PRKAR1B: variants seen among roughly 807,000 people sequenced by gnomAD.
The protein encoded by PRKAR1B is cAMP-dependent protein kinase type I-beta regulatory subunit.
PRKAR1B carries 22 observed loss-of-function variants against 46.5 expected under a neutral mutation model. The observed-to-expected ratio is 0.47, with a 90% CI of 0.34 to 0.68. PRKAR1B has a LOEUF of 0.68. Among genes scored for constraint, PRKAR1B ranks in the 30% least tolerant of loss-of-function variants. PRKAR1B has a pLI of 0.01. For synonymous variants in PRKAR1B, 259 were observed against 217.7 expected, an observed-to-expected ratio of 1.19 and a Z score of -1.67; for missense variants, 445 against 535.6, an observed-to-expected ratio of 0.83 and a Z score of 1.67.
Position 578,971 on chromosome 7 carries a change from C to T in PRKAR1B, c.891+285G>A, listed in dbSNP as rs538814556. 25 of 1,225,074 alleles carry T rather than the reference C, an allele frequency of 2.0e-5. No individual in the cohort carries two copies. In the African/African-American group the frequency reaches 3.3e-4, roughly 16 times the overall value. The allele number at this position is 1,225,074 out of a possible 1,614,324, so 75.9% of individuals were successfully genotyped here. On this transcript the variant is annotated intron_variant, in intron 9 of 10. Coordinates refer to ENST00000537384, the MANE Select transcript of PRKAR1B (RefSeq NM_001164760.2). ...TGCTGGGATGACAGGCGTGAGCCGCCGCGCCCGGCCAGTTTCATGCAGTTT... is the reference window on the plus strand; with the variant it reads ...TGCTGGGATGACAGGCGTGAGCCGCTGCGCCCGGCCAGTTTCATGCAGTTT...
chr7:635,662 C>T (rs941133893), intron 4 of PRKAR1B, among the ~76,000 whole-genome samples: 1 of 152,134 alleles, frequency 6.6e-6, no homozygotes, highest in African/African-American at 2.4e-5. Context: ...GGAAAAAGGG[C>T]TTCTCCCTCC....
intron 2 of PRKAR1B, among the ~76,000 whole-genome samples, chr7:697,576 C>T (rs897964556): frequency 6.6e-6 from 1 of 152,122 alleles, no homozygotes; most frequent in Non-Finnish European, 1.5e-5. Context: ...AGCCCCTCTG[C>T]ACTCTGTGAA....
intron 2 of PRKAR1B, among the ~76,000 whole-genome samples, chr7:706,441 T>TTTTTTTTTTTTTC (rs1780330358): frequency 6.8e-6 from 1 of 146,966 alleles, no homozygotes; most frequent in Non-Finnish European, 1.5e-5. Flanking sequence ...TTTTTTTTTT[T>TTTTTTTTTTTTTC]GAGACGGAGT....
intron 2 of PRKAR1B, among the ~76,000 whole-genome samples, chr7:683,929 G>A (rs986089070): frequency 6.6e-6 from 1 of 152,180 alleles, no homozygotes; most frequent in Non-Finnish European, 1.5e-5. Context: ...CCACCTCCAT[G>A]TGTGCCAATG....
intron 6 of PRKAR1B, among the ~76,000 whole-genome samples, chr7:601,050 C>T (rs1264655644): frequency 6.6e-6 from 1 of 152,218 alleles, no homozygotes; most frequent in African/African-American, 2.4e-5. Context: ...GCAGCGTCCA[C>T]CCTGCAGAAG....
intron 7 of PRKAR1B, among the ~76,000 whole-genome samples, chr7:586,447 T>A (rs1780602339): frequency 1.3e-5 from 2 of 152,226 alleles, no homozygotes; most frequent in South Asian, 4.1e-4. Flanking sequence ...CCCTGCTCTC[T>A]CCTGGATCGC....
chr7:550,590 A>T lies in PRKAR1B; in HGVS notation c.986T>A (p.Leu329Gln). 1 of 1,583,036 alleles carries T rather than the reference A, an allele frequency of 6.3e-7. No individual in the cohort carries two copies. The highest frequency in any genetic ancestry group is 8.6e-7 in the Non-Finnish European group (1 of 1,167,720). ...GGCCGCCCGGGGCCGGTTCAGCAGC[A>T]GTGCAATCTCCCCTGGGGGTTGAAG... is the stretch of plus-strand genomic sequence containing the variant. ...GPSDYFGEIA[L>Q]LLNRPRAATV... The change falls in exon 11 of 11, where the codon CTG (leucine) becomes CAG (glutamine). Residue 329 changes from leucine to glutamine, a missense_variant. Physicochemically the swap from Leu to Gln is moderately radical, Grantham distance 113 (BLOSUM62 -2). Coordinates refer to ENST00000537384, the MANE Select transcript of PRKAR1B (RefSeq NM_001164760.2).
At chr7:587,002 G>A (rs1056058283) in intron 7 of PRKAR1B, among the ~76,000 whole-genome samples, 2 of 151,498 alleles carry the variant, frequency 1.3e-5, no homozygotes, top group Non-Finnish European at 2.9e-5. Flanking sequence ...TCCTGCCTCA[G>A]CCTCCGGAGT....
chr7:553,375 G>A (rs147628917), intron 9 of PRKAR1B, among the ~76,000 whole-genome samples: 83 of 152,280 alleles, frequency 5.5e-4, no homozygotes, highest in Non-Finnish European at 9.7e-4. Flanking sequence ...TCTGCACCAC[G>A]CTCCGACCGG....
At chr7:629,151 T>C (rs1444794027) in intron 4 of PRKAR1B, among the ~76,000 whole-genome samples, 2 of 152,352 alleles carry the variant, frequency 1.3e-5, no homozygotes, top group African/African-American at 4.8e-5. Context: ...CAGGGCACGT[T>C]TTCCAGAGTG....
intron 2 of PRKAR1B, among the ~76,000 whole-genome samples, chr7:700,557 C>T (rs544194458): frequency 4.6e-5 from 7 of 151,934 alleles, no homozygotes; most frequent in South Asian, 2.1e-4. Context: ...CTAGAGATGA[C>T]GGGATTATCA....
At chr7:657,262 C>CGGAT (rs756689845) in intron 4 of PRKAR1B, among the ~76,000 whole-genome samples, 7 of 102,746 alleles carry the variant, frequency 6.8e-5, no homozygotes, top group African/African-American at 3.0e-4. Context: ...GATGAATGGA[C>CGGAT]GGACGGATGG....
chr7:601,882 C>CG (rs924651043), intron 6 of PRKAR1B, among the ~76,000 whole-genome samples: 31 of 102,160 alleles, frequency 3.0e-4, no homozygotes, highest in African/African-American at 1.1e-3. Context: ...GTGCCTGACC[C>CG]GGGGGGGCTG....
chr7:701,644 A>G (rs981770218), intron 2 of PRKAR1B, among the ~76,000 whole-genome samples: 14 of 152,238 alleles, frequency 9.2e-5, no homozygotes, highest in Non-Finnish European at 2.9e-5. Flanking sequence ...GAAAAGAAAC[A>G]TAAAGCAAAT....
At chr7:608,735 T>G (rs1262363975) in intron 4 of PRKAR1B, among the ~76,000 whole-genome samples, 47 of 109,046 alleles carry the variant, frequency 4.3e-4, no homozygotes, top group East Asian at 7.9e-4. Context: ...GGGGTCAGTG[T>G]GTGGCAGGGC....
chr7:688,004 G>A (rs1015151034), intron 2 of PRKAR1B, among the ~76,000 whole-genome samples: 1 of 149,198 alleles, frequency 6.7e-6, no homozygotes, highest in South Asian at 2.1e-4. Context: ...GCTCAGGCAG[G>A]AGAATCATTT....
intron 9 of PRKAR1B, among the ~76,000 whole-genome samples, chr7:578,286 C>G (rs1779973028): frequency 6.6e-6 from 1 of 152,204 alleles, no homozygotes; most frequent in African/African-American, 2.4e-5. Flanking sequence ...CTCGGCCCAC[C>G]CAACAGTCTG....
chr7:709,996 A>T (rs1272262882), intron 2 of PRKAR1B, among the ~76,000 whole-genome samples: 1 of 152,210 alleles, frequency 6.6e-6, no homozygotes, highest in Admixed American at 6.5e-5. Context: ...AGAGGACTAC[A>T]GAGCGTTTTT....
intron 4 of PRKAR1B, among the ~76,000 whole-genome samples, chr7:656,769 ATGTC>A (rs1785221032): frequency 6.6e-6 from 1 of 152,186 alleles, no homozygotes; most frequent in Non-Finnish European, 1.5e-5. Flanking sequence ...GAATGGATAA[ATGTC>A]TGAACAAAGG....
Sources: allele counts gnomAD v4.1 joint callset (sites outside exome capture counted in the v4.1 genomes callset), GRCh38; gene constraint gnomAD v4.1.1; transcripts MANE v1.5; gene names NCBI Gene and HGNC (gene_info 2026-07-23, HGNC 2026-07-21).